GCC2: variants seen among roughly 807,000 people sequenced by gnomAD.
GCC2 encodes the protein GRIP and coiled-coil domain containing 2.
A neutral mutation model predicts 210.6 loss-of-function variants in GCC2; 120 were observed. The ratio of observed to expected loss-of-function variants is 0.57; its 90% CI spans 0.49 to 0.66. The LOEUF is 0.66. Among genes scored for constraint, GCC2 ranks in the 30% least tolerant of loss-of-function variants. GCC2 has a pLI of 0.00. For missense variants in GCC2, 1,868 were observed against 1,871.9 expected (o/e 1.00, Z 0.04); for synonymous variants, 703 against 652.7 (o/e 1.08, Z -1.17).
rs201562035 is a variant in GCC2, at chr2:108,497,089, A to C, written c.4762A>C (p.Ile1588Leu). 1 of 1,611,976 alleles carries C rather than the reference A, an allele frequency of 6.2e-7. No homozygotes were observed. The highest frequency in any genetic ancestry group is 2.2e-5 in the East Asian group (1 of 44,884). ...LLRETEATNA[I>L]LMEQIKLLKS... ...TCGGGAAACAGAAGCAACCAATGCAATTCTTATGGAGCAAATTAAGGTGAG... is the reference window on the plus strand; with the variant it reads ...TCGGGAAACAGAAGCAACCAATGCACTTCTTATGGAGCAAATTAAGGTGAG... The change falls in exon 21 of 23, where the codon ATT (isoleucine) becomes CTT (leucine). Residue 1588 changes from isoleucine to leucine, a missense_variant. This residue lies in a region of GCC2 where 1,847 missense variants were observed against 1,765.2 expected (regional missense o/e 1.05). Coordinates refer to ENST00000309863, the MANE Select transcript of GCC2 (RefSeq NM_181453.4).
At chr2:108,474,760 A>G (rs1476107580) in intron 7 of GCC2, 1 of 152,068 alleles carries the variant, frequency 6.6e-6, no homozygotes, top group Non-Finnish European at 1.5e-5. Flanking sequence ...CTTGATGATA[A>G]TTTTTCTTGT....
intron 16 of GCC2, 82 bp downstream of exon 16, chr2:108,486,730 G>GTAAA: frequency 3.1e-6 from 4 of 1,309,236 alleles, no homozygotes; most frequent in Non-Finnish European, 2.1e-6. Flanking sequence ...GCTGTGCTCT[G>GTAAA]CCTTTTTAGT....
chr2:108,498,832 G>C (rs953679954), intron 21 of GCC2, among the ~76,000 whole-genome samples: 12 of 151,588 alleles, frequency 7.9e-5, no homozygotes, highest in African/African-American at 2.7e-4. Context: ...TCAGGAACAG[G>C]GTAGGGGCAG....
At chr2:108,460,451 T>TA (rs1680510213) in intron 4 of GCC2, among the ~76,000 whole-genome samples, 1 of 152,312 alleles carries the variant, frequency 6.6e-6, no homozygotes, top group East Asian at 1.9e-4. Flanking sequence ...TATTGTTTGT[T>TA]ATAGTGGTTT....
chr2:108,497,179 C>G (rs1034716599), intron 21 of GCC2, 70 bp downstream of exon 21: 4 of 1,608,292 alleles, frequency 2.5e-6, no homozygotes, highest in Non-Finnish European at 3.4e-6. Context: ...TACACATGCA[C>G]GATCTCAGCT....
intron 4 of GCC2, among the ~76,000 whole-genome samples, chr2:108,462,926 AAG>A (rs1680686224): frequency 6.6e-6 from 1 of 152,070 alleles, no homozygotes; most frequent in African/African-American, 2.4e-5. Context: ...TCAGAAAAAA[AAG>A]ACCTGTCTTT....
At chr2:108,449,370 T>A in intron 1 of GCC2, 90 bp downstream of exon 1, 1 of 1,506,002 alleles carries the variant, frequency 6.6e-7, no homozygotes, top group Non-Finnish European at 8.9e-7. Context: ...GGCGCGGTAG[T>A]CTCCCTCTTG....
rs70956257 is a variant in GCC2, at chr2:108,458,374, C to CTTTTTTT, written c.216+5922_216+5928dup. On this transcript the variant is annotated intron_variant, in intron 4 of 22. Transcript: ENST00000309863. ...CATCAGGGATATTGGTTGTTGCTTT[C>CTTTTTTT]TTTTTTTTTTTTTTTTTTTTGCTGT... Among the ~76,000 whole-genome samples, 324 of 100,232 alleles carry CTTTTTTT rather than the reference C, an allele frequency of 3.2e-3. 1 individual carries two copies. Among genetic ancestry groups the CTTTTTTT allele is most frequent in the African/African-American group, 6.8e-3 (173 of 25,438 alleles). The allele number at this position is 100,232 out of a possible 152,430, so 65.8% of individuals were successfully genotyped here. A position where few individuals can be genotyped will look rare whatever the true frequency, so the allele number is the denominator to read the frequency against.
Position 108,472,041 on chromosome 2 carries a change from G to A in GCC2, c.2712G>A (p.Lys904=). The A allele has an allele frequency of 6.3e-7, 1 of 1,591,222 alleles. No homozygotes were observed. Among genetic ancestry groups the A allele is most frequent in the Non-Finnish European group, 8.5e-7 (1 of 1,173,562 alleles). The change falls in exon 6 of 23, where the codon AAG becomes AAA. Residue 904 remains lysine, a synonymous_variant. Coordinates refer to ENST00000309863, the MANE Select transcript of GCC2 (RefSeq NM_181453.4). ...IHNEKEKCFI[K]EHENLKPLLE... ...ATGAAAAAGAAAAATGTTTTATAAA[G>A]GAACATGAAAACCTAAAGCCACTAC...
chr2:108,497,043 A>C lies in GCC2; in HGVS notation c.4716A>C (p.Ala1572=). 6.2e-7 allele frequency: 1 copy of C among 1,612,086 alleles called. No homozygotes were observed. Residue 1572 remains alanine (A), a synonymous_variant, in exon 21 of 23, where the codon GCA becomes GCC. Coordinates refer to ENST00000309863, the MANE Select transcript of GCC2 (RefSeq NM_181453.4). ...VQKLSSTTKS[A]DHLNGLLRET... ...AGCTCAGTTCCACCACAAAAAGTGC[A>C]GATCACTTAAACGGCCTGCTTCGGG...
chr2:108,454,062 C>T (rs61129860), intron 4 of GCC2, among the ~76,000 whole-genome samples: 56,906 of 152,048 alleles, frequency 0.37, 12,354 homozygotes, highest in East Asian at 0.89. Flanking sequence ...ACAATCTCGG[C>T]TCACCGCAAG....
intron 4 of GCC2, among the ~76,000 whole-genome samples, chr2:108,465,894 G>A (rs1013939534): frequency 9.2e-5 from 14 of 152,024 alleles, no homozygotes; most frequent in East Asian, 1.9e-4. Context: ...TCTCTCTGTC[G>A]CCCAGGCCGG....
intron 14 of GCC2, 44 bp from the exon 15 acceptor site, chr2:108,485,787 T>C (rs1278303969): frequency 6.9e-7 from 1 of 1,440,248 alleles, no homozygotes; most frequent in Non-Finnish European, 9.6e-7. Flanking sequence ...AATTTATTTA[T>C]GAGTAACATT....
chr2:108,482,294 CAAT>C lies in GCC2; in HGVS notation c.3191_3193del (p.Ile1064del). 1 of 1,567,534 alleles carries C rather than the reference CAAT, an allele frequency of 6.4e-7. No homozygotes were observed. The highest frequency in any genetic ancestry group is 1.2e-5 in the South Asian group (1 of 85,338). On this transcript the variant is annotated inframe_deletion, in exon 11 of 23. Coordinates refer to ENST00000309863, the MANE Select transcript of GCC2 (RefSeq NM_181453.4). ...AATCATTTGTCATTTCAGTGTGAAACAATAAATTCTGATAATGAAGATCTCCTG... is the reference window on the plus strand; with the variant it reads ...AATCATTTGTCATTTCAGTGTGAAACAAATTCTGATAATGAAGATCTCCTG...
chr2:108,475,759 C>T lies in GCC2; in HGVS notation c.2969C>T (p.Thr990Ile), dbSNP rs1681480949. 1 of 1,599,186 alleles carries T rather than the reference C, an allele frequency of 6.3e-7. No homozygotes were observed. The highest frequency in any genetic ancestry group is 8.5e-7 in the Non-Finnish European group (1 of 1,171,564). ...TACTTGTGTTTAAAACAGACCCAGA[C>T]TGTGAAGGAAGAACTTGAATCTCTT... ...ELDSSRKETQTVKEELESLRS... is the reference protein window; with the variant it reads ...ELDSSRKETQIVKEELESLRS... Residue 990 changes from threonine to isoleucine, a missense_variant, in exon 9 of 23, where the codon ACT becomes ATT. This residue lies in a region of GCC2 where 1,847 missense variants were observed against 1,765.2 expected (regional missense o/e 1.05). Transcript: ENST00000309863.
Position 108,469,978 on chromosome 2 carries a change from A to T in GCC2, c.649A>T (p.Thr217Ser). The change falls in exon 6 of 23, where the codon ACT (threonine) becomes TCT (serine). Residue 217 changes from threonine to serine, a missense_variant. This residue lies in a region of GCC2 where 1,847 missense variants were observed against 1,765.2 expected (regional missense o/e 1.05). Transcript: ENST00000309863. ...CACTGATGAAAAGAAGGAAACAGTT[A>T]CTCAACTCCAAAATATCATTGAGGC... The part of the protein sequence containing the change: ...ATTDEKKETV[T>S]QLQNIIEANS... 6.2e-7 allele frequency: 1 copy of T among 1,612,528 alleles called. No homozygotes were observed. The highest frequency in any genetic ancestry group is 8.5e-7 in the Non-Finnish European group (1 of 1,178,910).
intron 22 of GCC2, among the ~76,000 whole-genome samples, chr2:108,501,064 T>G (rs1203414982): frequency 6.6e-6 from 1 of 152,064 alleles, no homozygotes; most frequent in Non-Finnish European, 1.5e-5. Context: ...GGTCCGATCA[T>G]GGCTCACTGC....
Position 108,469,540 on chromosome 2 carries a change from T to G in GCC2, c.322-111T>G, listed in dbSNP as rs1405213258. The G allele has an allele frequency of 7.2e-6, 5 of 692,144 alleles. No homozygotes were observed. In the Admixed American group the frequency reaches 1.5e-4, roughly 21 times the overall value. The allele number at this position is 692,144 out of a possible 1,614,324, so 42.9% of individuals were successfully genotyped here. A position where few individuals can be genotyped will look rare whatever the true frequency, so the allele number is the denominator to read the frequency against. On this transcript the variant is annotated intron_variant, in intron 5 of 22. Coordinates refer to ENST00000309863, the MANE Select transcript of GCC2 (RefSeq NM_181453.4). ...AGTATCATGTTTCTCCAAATACATT[T>G]CTGCTCATTTACTTTTCTCTCTACT...
At chr2:108,487,021 C>T (rs1682173673) in intron 16 of GCC2, among the ~76,000 whole-genome samples, 2 of 152,172 alleles carry the variant, frequency 1.3e-5, no homozygotes, top group South Asian at 2.1e-4. Context: ...TCATCCAAAA[C>T]AGAGACAGTG....
Sources: allele counts gnomAD v4.1 joint callset (sites outside exome capture counted in the v4.1 genomes callset), GRCh38; gene constraint gnomAD v4.1.1; regional missense constraint gnomAD v4.1.1; transcripts MANE v1.5; gene names NCBI Gene and HGNC (gene_info 2026-07-23, HGNC 2026-07-21).